Variants in UFL1 observed in about 807,000 individuals in gnomAD.
UFL1 encodes UFM1 specific ligase 1, also known as E3 UFM1-protein ligase 1.
UFL1 carries 78 observed loss-of-function variants against 99.3 expected under a neutral mutation model. The observed-to-expected ratio is 0.79, with a 90% confidence interval of 0.65 to 0.95. The LOEUF is 0.95. Ranked by LOEUF, UFL1 falls within the 40% of genes least tolerant of loss-of-function variation. The pLI, the probability that UFL1 is intolerant of heterozygous loss-of-function variation, is 0.00. For synonymous variants in UFL1, 335 were observed against 322.2 expected (o/e 1.04, Z -0.42); for missense variants, 936 against 937.0 (o/e 1.00, Z 0.01).
intron 2 of UFL1, 109 bp downstream of exon 2, chr6:96,523,400 T>TA: frequency 8.3e-7 from 1 of 1,200,376 alleles, no homozygotes; most frequent in Non-Finnish European, 1.1e-6. Context: ...GATTGTAAGA[T>TA]ATCGTTTTCA....
In UFL1 at chr6:96,523,282, G is replaced by A. The variant is rs1769651779; in HGVS notation, c.214G>A (p.Val72Ile). 1 of 1,592,390 alleles carries A rather than the reference G, an allele frequency of 6.3e-7. No individual in the cohort carries two copies. The highest frequency in any genetic ancestry group is 8.5e-7 in the Non-Finnish European group (1 of 1,172,764). The change falls in exon 2 of 19, where the codon GTC becomes ATC. Residue 72 changes from valine to isoleucine, a missense_variant. Transcript: ENST00000369278. ...ISKEMRDELH[V>I]RGGRVNIVDL... ...TAAAGAAATGAGAGATGAGCTACAT[G>A]TCCGAGGTGGTAGGTAATTCTTTAG...
intron 9 of UFL1, among the ~76,000 whole-genome samples, chr6:96,537,959 A>G (rs1407186810): frequency 2.0e-5 from 3 of 151,830 alleles, no homozygotes; most frequent in Non-Finnish European, 2.9e-5. Flanking sequence ...TCAGTGTTCA[A>G]TGTTGATCTG....
intron 15 of UFL1, among the ~76,000 whole-genome samples, chr6:96,550,641 C>T (rs1770064915): frequency 6.6e-6 from 1 of 152,004 alleles, no homozygotes; most frequent in African/African-American, 2.4e-5. Flanking sequence ...TTATTTCTTC[C>T]TCCTTCCCCA....
At chr6:96,532,307 AGAC>A (rs1377034761) in intron 6 of UFL1, among the ~76,000 whole-genome samples, 2 of 152,242 alleles carry the variant, frequency 1.3e-5, no homozygotes, top group Admixed American at 1.3e-4. Context: ...AGGGAACAAA[AGAC>A]AAAAAACATG....
chr6:96,541,019 C>A (rs773621773), intron 11 of UFL1, among the ~76,000 whole-genome samples: 3 of 151,196 alleles, frequency 2.0e-5, no homozygotes, highest in Non-Finnish European at 4.4e-5. Context: ...CCAACTGTTC[C>A]TTTTACCTGG....
In UFL1 at chr6:96,538,626, T is replaced by G; in HGVS notation, c.979-5T>G. On this transcript the variant is annotated splice_region_variant and splice_polypyrimidine_tract_variant and intron_variant, in intron 9 of 18. Transcript: ENST00000369278. ...ACTTTATTTTTATTTTGTTTGTAAT[T>G]CTAGCCTCTGCTACCCACTTCTTTA... is the stretch of plus-strand genomic sequence containing the variant. 6.2e-7 allele frequency: 1 copy of G among 1,609,912 alleles called. No individual in the cohort carries two copies. Among genetic ancestry groups the G allele is most frequent in the Non-Finnish European group, 8.5e-7 (1 of 1,177,532 alleles).
At chr6:96,529,661 A>G (rs947409069) in intron 6 of UFL1, among the ~76,000 whole-genome samples, 1 of 151,968 alleles carries the variant, frequency 6.6e-6, no homozygotes, top group Non-Finnish European at 1.5e-5. Flanking sequence ...TTCTTTCACT[A>G]TCCTTTAAAG....
intron 16 of UFL1, 144 bp from the exon 17 acceptor site, chr6:96,551,694 A>T: frequency 1.4e-6 from 1 of 720,598 alleles, no homozygotes; most frequent in South Asian, 2.2e-5. Flanking sequence ...TGTTAGTTCT[A>T]TATCACAATT....
intron 6 of UFL1, among the ~76,000 whole-genome samples, chr6:96,529,798 A>G (rs1300791784): frequency 6.6e-6 from 1 of 152,202 alleles, no homozygotes; most frequent in Admixed American, 6.5e-5. Flanking sequence ...TAATGCATGT[A>G]AGGCACTGGG....
At chr6:96,539,677 A>G (rs1185968833) in intron 10 of UFL1, among the ~76,000 whole-genome samples, 1 of 151,580 alleles carries the variant, frequency 6.6e-6, no homozygotes, top group Admixed American at 6.6e-5. Flanking sequence ...TATGGAAAGA[A>G]TAAATATAAA....
chr6:96,549,848 T>TATAC (rs751675216), intron 15 of UFL1, 49 bp downstream of exon 15: 15 of 1,577,304 alleles, frequency 9.5e-6, no homozygotes, highest in Middle Eastern at 1.8e-4. Flanking sequence ...GTTTTGCATC[T>TATAC]ATACACATTT....
At position 96,536,386 on chromosome 6, in the gene UFL1, T is replaced by TC; in HGVS notation, c.799dup (p.Leu267ProfsTer4). The stretch of plus-strand genomic sequence containing the variant: ...ATTCCTTTTTCAGGCAGAATGGCTA[T>TC]CTAGGTAACTTTCTTATTTCTTTAA... On this transcript the variant is annotated frameshift_variant, in exon 8 of 19. Transcript: ENST00000369278. LOFTEE classifies it high-confidence loss of function. The TC allele has an allele frequency of 6.3e-7, 1 of 1,597,992 alleles. No homozygotes were observed. The highest frequency in any genetic ancestry group is 8.5e-7 in the Non-Finnish European group (1 of 1,170,016).
chr6:96,551,568 T>C (rs1770080621), intron 16 of UFL1, 55 bp downstream of exon 16: 7 of 1,216,190 alleles, frequency 5.8e-6, no homozygotes, highest in Non-Finnish European at 8.0e-6. Context: ...GTTACAAAGA[T>C]CTTTGAGTAG....
Position 96,536,309 on chromosome 6 carries a change from A to G in UFL1, c.721A>G (p.Lys241Glu), listed in dbSNP as rs979336432. Residue 241 changes from lysine (K) to glutamate (E), a missense_variant, in exon 8 of 19, where the codon AAA becomes GAA. Transcript: ENST00000369278. Reference protein sequence around the residue: ...RGTVVGGRQDKAVFVPDIYSR... With the variant: ...RGTVVGGRQDEAVFVPDIYSR... ...CACTGTGGTTGGTGGGAGACAGGAT[A>G]AAGCTGTGTTTGTCCCTGACATCTA... 1.2e-6 allele frequency: 2 copies of G among 1,611,308 alleles called. No individual in the cohort carries two copies. Among genetic ancestry groups the G allele is most frequent in the African/African-American group, 2.7e-5 (2 of 74,780 alleles).
intron 12 of UFL1, among the ~76,000 whole-genome samples, chr6:96,546,969 A>C (rs1206744625): frequency 1.3e-5 from 2 of 151,694 alleles, no homozygotes; most frequent in African/African-American, 4.8e-5. Flanking sequence ...AAGCAAATGC[A>C]CCAAAACCAA....
rs372624410 is a variant in UFL1 at position 96,526,579 on chromosome 6, A to G, written c.465+144A>G. 1.0e-4 allele frequency: 71 copies of G among 677,720 alleles called. No homozygotes were observed. The African/African-American group carries it at 1.2e-3, about 11-fold the overall frequency. The allele number at this position is 677,720 out of a possible 1,614,324, so 42.0% of individuals were successfully genotyped here. On this transcript the variant is annotated intron_variant, in intron 5 of 18. Transcript: ENST00000369278. The stretch of plus-strand genomic sequence containing the variant: ...TGTCTGACTTGATATATGTTGTACC[A>G]ATATATTTGGGGGGTACTTCTAGTA...
rs998945569 is a variant in UFL1, at chr6:96,528,663, A to G, written c.596+31A>G. The G allele has an allele frequency of 4.5e-6, 7 of 1,556,216 alleles. No homozygotes were observed. In the African/African-American group the frequency reaches 8.2e-5, roughly 18 times the overall value. ...TATATTTTAAAGTATATATATTTGCACATTTCTTTGATCATGGTTTGCATT... is the reference window on the plus strand; with the variant it reads ...TATATTTTAAAGTATATATATTTGCGCATTTCTTTGATCATGGTTTGCATT... On this transcript the variant is annotated intron_variant, in intron 6 of 18. Transcript: ENST00000369278.
chr6:96,543,796 A>C (rs1381698939), intron 12 of UFL1, among the ~76,000 whole-genome samples: 3 of 151,126 alleles, frequency 2.0e-5, no homozygotes, highest in African/African-American at 7.3e-5. Context: ...CCATACTGCA[A>C]GTTAATTGAT....
chr6:96,547,644 A>G (rs755547460), intron 12 of UFL1, among the ~76,000 whole-genome samples: 10 of 151,706 alleles, frequency 6.6e-5, no homozygotes, highest in Non-Finnish European at 1.3e-4. Flanking sequence ...ATTAAAAACA[A>G]TAAAATGATG....
Sources: gnomAD v4.1 joint callset for allele counts (sites outside exome capture counted in the v4.1 genomes callset) on GRCh38, gnomAD v4.1.1 for gene constraint, MANE v1.5 for transcripts, NCBI Gene and HGNC (gene_info 2026-07-23, HGNC 2026-07-21) for gene names.